The following DLC1 variants were observed in gnomAD, a reference collection of about 807,000 sequenced individuals.
DLC1 encodes the protein rho GTPase-activating protein 7.
A neutral mutation model predicts 140.3 loss-of-function variants in DLC1; 54 were observed. The observed-to-expected ratio is 0.38, with a 90% CI of 0.31 to 0.48. The LOEUF (loss-of-function observed/expected upper bound fraction) is 0.48. DLC1 is among the 20% of genes least tolerant of loss of function. The pLI, the probability that DLC1 is intolerant of heterozygous loss-of-function variation, is 0.96. For missense variants in DLC1, 2,536 were observed against 1,907.0 expected (o/e 1.33, Z -6.14); for synonymous variants, 986 against 728.1 (o/e 1.35, Z -5.70).
chr8:13,253,918 A>C (rs534842443), intron 5 of DLC1, among the ~76,000 whole-genome samples: 9 of 152,232 alleles, frequency 5.9e-5, no homozygotes, highest in Non-Finnish European at 1.3e-4. Context: ...TCATCACCAC[A>C]GCCCTGACGT....
chr8:13,230,562 C>T (rs1047524648), intron 5 of DLC1, among the ~76,000 whole-genome samples: 1 of 151,768 alleles, frequency 6.6e-6, no homozygotes, highest in African/African-American at 2.4e-5. Flanking sequence ...TGGCTTCAAT[C>T]CAGATAGATA....
chr8:13,222,887 G>T (rs1477851023), intron 5 of DLC1, among the ~76,000 whole-genome samples: 1 of 152,032 alleles, frequency 6.6e-6, no homozygotes, highest in Admixed American at 6.6e-5. Context: ...GGGACTACAG[G>T]CACACACCAC....
At chr8:13,409,392 C>T (rs920386110) in intron 2 of DLC1, among the ~76,000 whole-genome samples, 1 of 152,020 alleles carries the variant, frequency 6.6e-6, no homozygotes, top group Non-Finnish European at 1.5e-5. Context: ...AATATGTCAT[C>T]CTCTCCCTCA....
At chr8:13,120,445 C>T (rs1391391226) in intron 5 of DLC1, among the ~76,000 whole-genome samples, 1 of 146,096 alleles carries the variant, frequency 6.8e-6, no homozygotes, top group Non-Finnish European at 1.5e-5. Context: ...TTACTGAAAA[C>T]CGCATATATA....
At chr8:13,201,404 A>G (rs949006084) in intron 5 of DLC1, among the ~76,000 whole-genome samples, 1 of 152,236 alleles carries the variant, frequency 6.6e-6, no homozygotes, top group South Asian at 2.1e-4. Flanking sequence ...AAAAAGCATA[A>G]GAACAAATAC....
At chr8:13,387,848 C>G (rs561762168) in intron 4 of DLC1, among the ~76,000 whole-genome samples, 5 of 152,042 alleles carry the variant, frequency 3.3e-5, no homozygotes, top group African/African-American at 1.2e-4. Context: ...TTATTTGTAG[C>G]AAAGACGTTC....
At chr8:13,148,506 A>G (rs544748199) in intron 5 of DLC1, among the ~76,000 whole-genome samples, 9 of 152,282 alleles carry the variant, frequency 5.9e-5, no homozygotes, top group African/African-American at 1.9e-4. Flanking sequence ...AGCACACACA[A>G]TTTTGATTTC....
intron 5 of DLC1, among the ~76,000 whole-genome samples, chr8:13,135,012 G>A (rs557616604): frequency 6.6e-6 from 1 of 152,086 alleles, no homozygotes; most frequent in Non-Finnish European, 1.5e-5. Context: ...AGGAAATGGA[G>A]ATCTGATCTG....
intron 4 of DLC1, among the ~76,000 whole-genome samples, chr8:13,376,165 C>T (rs1835974200): frequency 6.6e-6 from 1 of 152,116 alleles, no homozygotes; most frequent in South Asian, 2.1e-4. Flanking sequence ...TCTTATGCTT[C>T]ATGTCTGTGT....
In DLC1 at chr8:13,571,703, G is replaced by A. The variant is rs578014486; in HGVS notation, c.-126+32834C>T. On this transcript the variant is annotated intron_variant, in intron 1 of 1. Coordinates refer to the DLC1 transcript ENST00000631382. ...AGTATCTGTTTGTGCACCTGCTTTC[G>A]ATTCTTTTGGGTCCATACTTAGAAG... Among the ~76,000 whole-genome samples, 8 of 152,262 alleles carry A rather than the reference G, an allele frequency of 5.3e-5. No homozygotes were observed. In the South Asian group the frequency reaches 1.2e-3, roughly 24 times the overall value.
chr8:13,107,204 T>C (rs1819639437), intron 7 of DLC1, among the ~76,000 whole-genome samples: 1 of 152,204 alleles, frequency 6.6e-6, no homozygotes, highest in South Asian at 2.1e-4. Flanking sequence ...TTGCCAAACT[T>C]TATATTTAAG....
chr8:13,504,111 A>G (rs1235216629), intron 1 of DLC1, among the ~76,000 whole-genome samples: 2 of 147,306 alleles, frequency 1.4e-5, no homozygotes, highest in African/African-American at 5.0e-5. Flanking sequence ...TATCAGAAAC[A>G]TTTCAGAGAA....
intron 1 of DLC1, among the ~76,000 whole-genome samples, chr8:13,557,136 C>G (rs1043107733): frequency 3.9e-5 from 6 of 152,150 alleles, no homozygotes; most frequent in Non-Finnish European, 5.9e-5. Flanking sequence ...ATTTCAGTGG[C>G]TTAATCAATT....
intron 5 of DLC1, among the ~76,000 whole-genome samples, chr8:13,283,349 T>C (rs1307030392): frequency 6.6e-6 from 1 of 151,876 alleles, no homozygotes; most frequent in Non-Finnish European, 1.5e-5. Flanking sequence ...ACTTTTTTTT[T>C]CCAGAAAATA....
At chr8:13,128,560 C>T (rs1373700092) in intron 5 of DLC1, among the ~76,000 whole-genome samples, 3 of 152,182 alleles carry the variant, frequency 2.0e-5, no homozygotes, top group Non-Finnish European at 2.9e-5. Flanking sequence ...TTGCTGGACG[C>T]GGTGGCTCAC....
At chr8:13,434,409 A>C (rs1839022369) in intron 2 of DLC1, among the ~76,000 whole-genome samples, 1 of 152,156 alleles carries the variant, frequency 6.6e-6, no homozygotes, top group South Asian at 2.1e-4. Flanking sequence ...CAATTCACAA[A>C]GTTTATTAGT....
rs868166451 is a variant in DLC1 at position 13,485,519 on chromosome 8, G to C, written c.1023+13530C>G. ...CACTGCACAGCCATGTTTTTAAAAG[G>C]GAATACTGGAGGTGCAAATCTTGGG... On this transcript the variant is annotated intron_variant, in intron 2 of 17. Coordinates refer to ENST00000276297, the MANE Select transcript of DLC1 (RefSeq NM_182643.3). Among the ~76,000 whole-genome samples the C allele has an allele frequency of 3.3e-5, 5 of 152,258 alleles. No homozygotes were observed. The Middle Eastern group carries it at 0.017, about 518-fold the overall frequency.
intron 1 of DLC1, 102 bp downstream of exon 1, chr8:13,514,500 C>A: frequency 2.5e-6 from 1 of 397,846 alleles, no homozygotes. Context: ...GCTCTAAAAC[C>A]TAGGAAGTCA....
At chr8:13,440,485 A>G (rs774919786) in intron 2 of DLC1, among the ~76,000 whole-genome samples, 13 of 151,946 alleles carry the variant, frequency 8.6e-5, no homozygotes, top group Non-Finnish European at 1.8e-4. Flanking sequence ...AAAGAGTGAC[A>G]TTGCTTTTAT....
Sources: allele counts gnomAD v4.1 joint callset (sites outside exome capture counted in the v4.1 genomes callset), GRCh38; gene constraint gnomAD v4.1.1; transcripts MANE v1.5; gene names NCBI Gene and HGNC (gene_info 2026-07-23, HGNC 2026-07-21).